The following NKAIN2 variants were observed in gnomAD, a reference collection of about 807,000 sequenced individuals.
NKAIN2 encodes the protein sodium/potassium transporting ATPase interacting 2.
NKAIN2 carries 14 observed loss-of-function variants against 32.6 expected under a neutral mutation model. The ratio of observed to expected loss-of-function variants is 0.43; its 90% confidence interval spans 0.28 to 0.67. NKAIN2 has a LOEUF of 0.67. NKAIN2 is among the 30% of genes least tolerant of loss of function. The pLI is 0.17. For synonymous variants in NKAIN2, 80 were observed against 87.2 expected (o/e 0.92, Z 0.46); for missense variants, 198 against 258.3 (o/e 0.77, Z 1.60).
chr6:124,789,426 C>A (rs1779646568), intron 4 of NKAIN2, among the ~76,000 whole-genome samples: 1 of 151,970 alleles, frequency 6.6e-6, no homozygotes, highest in South Asian at 2.1e-4. Context: ...AAGCTATAAG[C>A]AATACCAAGG....
intron 3 of NKAIN2, among the ~76,000 whole-genome samples, chr6:124,647,956 T>C (rs922797869): frequency 2.6e-5 from 4 of 152,272 alleles, no homozygotes; most frequent in African/African-American, 9.6e-5. Context: ...TAAAGAGAAA[T>C]TATACCAATA....
At chr6:124,816,147 C>A (rs1233680945) in intron 5 of NKAIN2, among the ~76,000 whole-genome samples, 1 of 152,120 alleles carries the variant, frequency 6.6e-6, no homozygotes, top group Non-Finnish European at 1.5e-5. Context: ...CTGGTGGAAT[C>A]TTACATGCAT....
intron 1 of NKAIN2, among the ~76,000 whole-genome samples, chr6:124,082,339 T>TATTA (rs1410371712): frequency 9.9e-5 from 15 of 152,158 alleles, no homozygotes; most frequent in Admixed American, 7.9e-4. Context: ...GTAAGCTTAA[T>TATTA]ATTAATTAGG....
chr6:124,549,442 A>T (rs1326836466), intron 3 of NKAIN2, among the ~76,000 whole-genome samples: 1 of 152,198 alleles, frequency 6.6e-6, no homozygotes, highest in East Asian at 1.9e-4. Flanking sequence ...GAATCACAGA[A>T]ATAGTACAGA....
chr6:124,627,964 A>G (rs1783420006), intron 3 of NKAIN2, among the ~76,000 whole-genome samples: 1 of 151,822 alleles, frequency 6.6e-6, no homozygotes, highest in African/African-American at 2.4e-5. Flanking sequence ...TCACGCACAA[A>G]CTCACATGCA....
chr6:124,803,632 T>A (rs1325488534), intron 5 of NKAIN2, among the ~76,000 whole-genome samples: 2 of 152,220 alleles, frequency 1.3e-5, no homozygotes, highest in Non-Finnish European at 2.9e-5. Flanking sequence ...TCACAGTTAA[T>A]CAACTAAGTG....
chr6:124,015,554 G>A (rs1184980992), intron 1 of NKAIN2, among the ~76,000 whole-genome samples: 2 of 152,068 alleles, frequency 1.3e-5, no homozygotes, highest in Admixed American at 1.3e-4. Context: ...GTTCATTAAA[G>A]AACCACATTT....
At chr6:124,395,867 GTC>G (rs1773356050) in intron 3 of NKAIN2, among the ~76,000 whole-genome samples, 1 of 152,084 alleles carries the variant, frequency 6.6e-6, no homozygotes, top group Non-Finnish European at 1.5e-5. Context: ...CCTATACAGA[GTC>G]TCGGAGTAAT....
intron 1 of NKAIN2, among the ~76,000 whole-genome samples, chr6:124,083,918 A>G (rs1258061582): frequency 1.3e-5 from 2 of 152,024 alleles, no homozygotes; most frequent in Non-Finnish European, 2.9e-5. Context: ...AAAGCAGGAA[A>G]CTAAAGAGGG....
At chr6:124,475,692 G>A (rs1777168506) in intron 3 of NKAIN2, among the ~76,000 whole-genome samples, 2 of 152,102 alleles carry the variant, frequency 1.3e-5, no homozygotes, top group Non-Finnish European at 2.9e-5. Context: ...GACAGGTGGT[G>A]CTGGAGATAA....
intron 3 of NKAIN2, among the ~76,000 whole-genome samples, chr6:124,587,998 C>T (rs114676848): frequency 6.6e-6 from 1 of 150,556 alleles, no homozygotes; most frequent in African/African-American, 2.5e-5. Flanking sequence ...CTAGAAAACT[C>T]ATTTTTCTGC....
chr6:124,462,918 T>C (rs1776590485), intron 3 of NKAIN2, among the ~76,000 whole-genome samples: 1 of 152,058 alleles, frequency 6.6e-6, no homozygotes, highest in African/African-American at 2.4e-5. Flanking sequence ...GAAGAAAATC[T>C]TAAGCATTTA....
chr6:124,634,974 A>G (rs1783715258), intron 3 of NKAIN2, among the ~76,000 whole-genome samples: 1 of 151,738 alleles, frequency 6.6e-6, no homozygotes, highest in African/African-American at 2.4e-5. Flanking sequence ...AGAGAAAGAA[A>G]GAAAGAGAAA....
chr6:123,892,842 A>G (rs1179359881), intron 1 of NKAIN2, among the ~76,000 whole-genome samples: 1 of 151,498 alleles, frequency 6.6e-6, no homozygotes, highest in Non-Finnish European at 1.5e-5. Context: ...CTTGTTCGGC[A>G]CTGTCCTAAG....
At chr6:123,846,166 T>C (rs1775081050) in intron 1 of NKAIN2, among the ~76,000 whole-genome samples, 1 of 152,212 alleles carries the variant, frequency 6.6e-6, no homozygotes, top group Admixed American at 6.5e-5. Flanking sequence ...GTGTATATGC[T>C]GAGTCGTTAT....
At chr6:124,288,624 C>A (rs895039155) in intron 2 of NKAIN2, among the ~76,000 whole-genome samples, 4 of 151,988 alleles carry the variant, frequency 2.6e-5, no homozygotes, top group African/African-American at 7.2e-5. Flanking sequence ...TAGCACCCAG[C>A]TTTTTGATGG....
intron 3 of NKAIN2, among the ~76,000 whole-genome samples, chr6:124,647,530 C>CAAAT (rs1444597994): frequency 7.9e-6 from 1 of 126,098 alleles, no homozygotes; most frequent in African/African-American, 2.8e-5. Context: ...AGACTTCAAG[C>CAAAT]AAATATAGCC....
intron 1 of NKAIN2, among the ~76,000 whole-genome samples, chr6:124,046,388 T>A (rs944207696): frequency 1.3e-5 from 2 of 151,994 alleles, no homozygotes; most frequent in South Asian, 4.1e-4. Flanking sequence ...ACAAATTCTG[T>A]AAATACTAAA....
chr6:124,571,546 CA>C (rs1781128508), intron 3 of NKAIN2, among the ~76,000 whole-genome samples: 1 of 152,182 alleles, frequency 6.6e-6, no homozygotes, highest in Non-Finnish European at 1.5e-5. Flanking sequence ...GCTTCTTCCT[CA>C]TACTCTCTTG....
Sources: allele counts gnomAD v4.1 joint callset (sites outside exome capture counted in the v4.1 genomes callset), GRCh38; gene constraint gnomAD v4.1.1; transcripts MANE v1.5; gene names NCBI Gene and HGNC (gene_info 2026-07-23, HGNC 2026-07-21).